Variants in BCKDHB observed in about 807,000 individuals in gnomAD.
BCKDHB encodes the protein branched chain keto acid dehydrogenase E1 subunit beta.
BCKDHB carries 41 observed loss-of-function variants against 48.5 expected under a neutral mutation model. The observed-to-expected ratio is 0.85, with a 90% CI of 0.66 to 1.10. BCKDHB has a LOEUF of 1.10. Among genes scored for constraint, BCKDHB ranks in the 50% least tolerant of loss-of-function variants. The pLI is 0.00. For synonymous variants in BCKDHB, 201 were observed against 174.8 expected (o/e 1.15, Z -1.18); for missense variants, 496 against 494.2 (o/e 1.00, Z -0.03).
At chr6:80,205,418 G>T (rs67988458) in intron 8 of BCKDHB, among the ~76,000 whole-genome samples, 2 of 151,816 alleles carry the variant, frequency 1.3e-5, no homozygotes, top group Admixed American at 6.6e-5. Context: ...CTTTTGGAAC[G>T]CCTGATCAAG....
chr6:80,154,331 C>G (rs1771933549), intron 3 of BCKDHB, among the ~76,000 whole-genome samples: 1 of 152,090 alleles, frequency 6.6e-6, no homozygotes, highest in Non-Finnish European at 1.5e-5. Context: ...ATATTTTTTA[C>G]TGGGTCAGAA....
At chr6:80,149,203 A>G (rs900443306) in intron 3 of BCKDHB, among the ~76,000 whole-genome samples, 30 of 151,814 alleles carry the variant, frequency 2.0e-4, no homozygotes, top group African/African-American at 7.3e-4. Flanking sequence ...TTATGCAGCC[A>G]AAAACACATG....
the BCKDHB span, among the ~76,000 whole-genome samples, chr6:80,415,632 G>A: frequency 6.6e-6 from 1 of 151,970 alleles, no homozygotes; most frequent in African/African-American, 2.4e-5. Context: ...TACTTGATAA[G>A]GCTTGATAAG....
chr6:80,327,892 CCCTCCCCTTT>C (rs1769112572), intron 9 of BCKDHB, among the ~76,000 whole-genome samples: 1 of 142,106 alleles, frequency 7.0e-6, no homozygotes, highest in African/African-American at 2.6e-5. Flanking sequence ...TCCCCTTTTC[CCCTCCCCTTT>C]TCTCCCCTCC....
the BCKDHB span, among the ~76,000 whole-genome samples, chr6:80,353,008 A>G: frequency 6.6e-6 from 1 of 152,206 alleles, no homozygotes; most frequent in Admixed American, 6.5e-5. Context: ...CATCACCCAG[A>G]TAACATACAT....
At chr6:80,396,251 A>G in the BCKDHB span, among the ~76,000 whole-genome samples, 1 of 152,230 alleles carries the variant, frequency 6.6e-6, no homozygotes. Context: ...AGCCCAAGAA[A>G]GCAGCCAGGA....
chr6:80,406,386 G>C, the BCKDHB span, among the ~76,000 whole-genome samples: 2 of 152,178 alleles, frequency 1.3e-5, no homozygotes, highest in Non-Finnish European at 2.9e-5. Context: ...TGGGATTGCT[G>C]TCTCAAATGG....
intron 1 of BCKDHB, among the ~76,000 whole-genome samples, chr6:80,111,883 GC>G (rs936441923): frequency 8.5e-5 from 13 of 152,086 alleles, no homozygotes; most frequent in African/African-American, 3.1e-4. Flanking sequence ...GTTACCCAGA[GC>G]CCCCCAGAAA....
chr6:80,107,552 TATATGC>T (rs1353231802), intron 1 of BCKDHB, among the ~76,000 whole-genome samples: 2 of 134,622 alleles, frequency 1.5e-5, no homozygotes, highest in Non-Finnish European at 3.1e-5. Context: ...TGCACACATA[TATATGC>T]ATATATATAT....
At chr6:80,188,436 GACC>G (rs1294144359) in intron 6 of BCKDHB, among the ~76,000 whole-genome samples, 1 of 152,046 alleles carries the variant, frequency 6.6e-6, no homozygotes, top group East Asian at 1.9e-4. Context: ...AAGGGTTTGA[GACC>G]AGCCTGGGCA....
At chr6:80,171,081 G>A (rs1772889902) in intron 5 of BCKDHB, among the ~76,000 whole-genome samples, 1 of 151,938 alleles carries the variant, frequency 6.6e-6, no homozygotes. Context: ...GTAGACATCT[G>A]ATAAATATCT....
At chr6:80,192,946 G>A (rs1043606015) in intron 6 of BCKDHB, among the ~76,000 whole-genome samples, 7 of 151,744 alleles carry the variant, frequency 4.6e-5, no homozygotes, top group Admixed American at 3.9e-4. Context: ...AGTCTCCCGA[G>A]TAGCTGGGAT....
chr6:80,296,847 T>G (rs990991180), intron 9 of BCKDHB, among the ~76,000 whole-genome samples: 1 of 152,210 alleles, frequency 6.6e-6, no homozygotes, highest in African/African-American at 2.4e-5. Context: ...TTATCTAACT[T>G]AAAACAATTA....
intron 9 of BCKDHB, among the ~76,000 whole-genome samples, chr6:80,294,972 C>A (rs1403990669): frequency 6.6e-6 from 1 of 152,024 alleles, no homozygotes; most frequent in Non-Finnish European, 1.5e-5. Flanking sequence ...ATCTTTGTAC[C>A]TACTCCCAGT....
intron 8 of BCKDHB, among the ~76,000 whole-genome samples, chr6:80,267,187 T>G (rs904456313): frequency 1.3e-5 from 2 of 152,054 alleles, no homozygotes; most frequent in Non-Finnish European, 2.9e-5. Context: ...AGAGTGAGGT[T>G]GGAGGATTAG....
At chr6:80,448,469 G>T in the BCKDHB span, among the ~76,000 whole-genome samples, 1 of 152,156 alleles carries the variant, frequency 6.6e-6, no homozygotes, top group Non-Finnish European at 1.5e-5. Flanking sequence ...TCAGGAGAGA[G>T]CTAACGGTGG....
At chr6:80,149,804 A>G (rs1477294941) in intron 3 of BCKDHB, among the ~76,000 whole-genome samples, 1 of 137,232 alleles carries the variant, frequency 7.3e-6, no homozygotes, top group Non-Finnish European at 1.6e-5. Context: ...CAGGAAGGGG[A>G]ACATTACACT....
chr6:80,171,535 TC>T, intron 6 of BCKDHB, 145 bp downstream of exon 6: 1 of 567,804 alleles, frequency 1.8e-6, no homozygotes, highest in South Asian at 2.5e-5. Context: ...ATTTAGTTTG[TC>T]CTCAGGTGTA....
intron 3 of BCKDHB, among the ~76,000 whole-genome samples, chr6:80,166,991 C>G (rs1316815507): frequency 6.6e-6 from 1 of 152,118 alleles, no homozygotes; most frequent in Non-Finnish European, 1.5e-5. Flanking sequence ...AAAAAATCAT[C>G]TCCCACTATG....
Sources: gnomAD v4.1 joint callset for allele counts (sites outside exome capture counted in the v4.1 genomes callset) on GRCh38, gnomAD v4.1.1 for gene constraint, MANE v1.5 for transcripts, NCBI Gene and HGNC (gene_info 2026-07-23, HGNC 2026-07-21) for gene names.